Variants in MYO5B observed in about 807,000 individuals in gnomAD.
The protein encoded by MYO5B is myosin VB.
MYO5B carries 143 observed loss-of-function variants against 229.3 expected under a neutral mutation model. The observed-to-expected ratio is 0.62, with a 90% CI of 0.54 to 0.72. The LOEUF is 0.72. Among genes scored for constraint, MYO5B ranks in the 30% least tolerant of loss-of-function variants. The pLI is 0.00. For synonymous variants in MYO5B, 918 were observed against 885.2 expected, an observed-to-expected ratio of 1.04 and a Z score of -0.66; for missense variants, 2,321 against 2,331.0, an observed-to-expected ratio of 1.00 and a Z score of 0.09.
At position 50,001,439 on chromosome 18, in the gene MYO5B, A is replaced by T. The variant is rs1407055552; in HGVS notation, c.456-28T>A. The T allele has an allele frequency of 1.9e-6, 3 of 1,613,754 alleles. No homozygotes were observed. The Admixed American group carries it at 5.0e-5, about 27-fold the overall frequency. ...GGAAGGAAAAAAGCTCTGATAAGTCATTGGCCATGGAAAGGCTCTGCTACC... is the reference window on the plus strand; with the variant it reads ...GGAAGGAAAAAAGCTCTGATAAGTCTTTGGCCATGGAAAGGCTCTGCTACC... On this transcript the variant is annotated intron_variant, in intron 4 of 39. Coordinates refer to ENST00000285039, the MANE Select transcript of MYO5B (RefSeq NM_001080467.3).
intron 1 of MYO5B, among the ~76,000 whole-genome samples, chr18:50,180,046 C>T (rs2033050601): frequency 6.6e-6 from 1 of 152,154 alleles, no homozygotes; most frequent in Non-Finnish European, 1.5e-5. Flanking sequence ...GTCCTCAAAA[C>T]CAGGATCTTA....
chr18:50,175,744 C>T (rs1377759271), intron 1 of MYO5B, among the ~76,000 whole-genome samples: 2 of 152,234 alleles, frequency 1.3e-5, no homozygotes, highest in Non-Finnish European at 2.9e-5. Flanking sequence ...CTCAAAGGCA[C>T]TCCCTTATGG....
At chr18:49,985,492 G>C (rs1216135466) in intron 7 of MYO5B, among the ~76,000 whole-genome samples, 1 of 152,188 alleles carries the variant, frequency 6.6e-6, no homozygotes, top group Non-Finnish European at 1.5e-5. Flanking sequence ...AACAAGCCCT[G>C]GGTAGTATCT....
At chr18:50,035,567 T>A (rs893859244) in intron 4 of MYO5B, among the ~76,000 whole-genome samples, 2 of 152,184 alleles carry the variant, frequency 1.3e-5, no homozygotes, top group African/African-American at 4.8e-5. Context: ...CTGCATACTG[T>A]GCAACATGCT....
At chr18:49,883,455 A>G (rs1345855172) in intron 22 of MYO5B, among the ~76,000 whole-genome samples, 2 of 152,246 alleles carry the variant, frequency 1.3e-5, no homozygotes, top group Non-Finnish European at 2.9e-5. Flanking sequence ...CATACTCGGT[A>G]AATGAAAAAA....
At chr18:49,859,914 G>A (rs914734702) in intron 29 of MYO5B, among the ~76,000 whole-genome samples, 4 of 152,206 alleles carry the variant, frequency 2.6e-5, no homozygotes, top group African/African-American at 9.6e-5. Flanking sequence ...AGCAAATCTT[G>A]AGACTGCACA....
intron 1 of MYO5B, among the ~76,000 whole-genome samples, chr18:50,089,853 G>A (rs911073218): frequency 9.2e-5 from 14 of 152,144 alleles, no homozygotes; most frequent in East Asian, 7.8e-4. Flanking sequence ...GGCCACCCCC[G>A]CATAACCCCA....
intron 1 of MYO5B, among the ~76,000 whole-genome samples, chr18:50,094,344 G>T (rs968697408): frequency 3.9e-5 from 6 of 152,178 alleles, no homozygotes; most frequent in African/African-American, 1.4e-4. Flanking sequence ...ATTGAGCAGT[G>T]TAACTCTGAG....
intron 5 of MYO5B, among the ~76,000 whole-genome samples, chr18:50,000,493 G>C (rs949979569): frequency 6.6e-6 from 1 of 152,196 alleles, no homozygotes; most frequent in Non-Finnish European, 1.5e-5. Context: ...CTGTCCCAGG[G>C]ACTACGAGGC....
rs368289471 is a variant in MYO5B, at chr18:49,962,950, G to A, written c.1403C>T (p.Ser468Leu). The A allele has an allele frequency of 2.9e-5, 46 of 1,613,558 alleles. No homozygotes were observed. The highest frequency in any genetic ancestry group is 3.6e-5 in the Non-Finnish European group (42 of 1,179,612). ...CCCAGGTCTAGAAACCAAGCCTACC[G>A]AGTTGAACTGCTGCTGGAGCTTTTC... ...ANEKLQQQFNSHVFKLEQEEY... is the reference protein window; with the variant it reads ...ANEKLQQQFNLHVFKLEQEEY... The change falls in exon 11 of 40, where the codon TCG (serine) becomes TTG (leucine). Residue 468 changes from serine (S) to leucine (L), a missense_variant and splice_region_variant. By Grantham distance (145) the Ser-to-Leu change is moderately radical. Around this residue, in one of 2 missense-constraint regions of MYO5B, gnomAD observed 2,113 missense variants for 2,044.7 expected, o/e 1.03. Transcript: ENST00000285039.
At chr18:49,867,750 C>T (rs1337977603) in intron 27 of MYO5B, among the ~76,000 whole-genome samples, 1 of 130,156 alleles carries the variant, frequency 7.7e-6, no homozygotes, top group Non-Finnish European at 1.8e-5. Flanking sequence ...CAACACTATA[C>T]CACCATTCTA....
chr18:50,001,522 T>G lies in MYO5B; in HGVS notation c.456-111A>C, dbSNP rs968577466. On this transcript the variant is annotated intron_variant, in intron 4 of 39. Coordinates refer to ENST00000285039, the MANE Select transcript of MYO5B (RefSeq NM_001080467.3). ...CTCACTGGGAGCATCTCTCCTACTT[T>G]AATGGATAAACGCAGAGGAACAGTG... 3.3e-5 allele frequency: 43 copies of G among 1,292,498 alleles called. No individual in the cohort carries two copies. The South Asian group carries it at 5.0e-4, about 15-fold the overall frequency. 80.1% of individuals were successfully genotyped at this position (1,292,498 alleles called of 1,614,324 possible). A position where few individuals can be genotyped will look rare whatever the true frequency, so the allele number is the denominator to read the frequency against.
chr18:49,868,378 T>C (rs2024421052), intron 27 of MYO5B, among the ~76,000 whole-genome samples: 1 of 152,308 alleles, frequency 6.6e-6, no homozygotes, highest in African/African-American at 2.4e-5. Flanking sequence ...ACGTTCAACA[T>C]TGGATAAGCC....
In MYO5B at chr18:50,056,502, C is replaced by T. The variant is rs114005185; in HGVS notation, c.28-1124G>A. Among the ~76,000 whole-genome samples, 719 of 152,270 alleles carry T rather than the reference C, an allele frequency of 4.7e-3. 5 individuals carry two copies. Among genetic ancestry groups the T allele is most frequent in the African/African-American group, 0.016 (666 of 41,542 alleles). ...CACAGGGCCTATTTTCTGTAGAAGC[C>T]GTCAGTACACACACATACATCTGGC... is the stretch of plus-strand genomic sequence containing the variant. On this transcript the variant is annotated intron_variant, in intron 1 of 39. Coordinates refer to ENST00000285039, the MANE Select transcript of MYO5B (RefSeq NM_001080467.3).
rs762039116 is a variant in MYO5B at position 49,839,231 on chromosome 18, C to A, written c.4765G>T (p.Glu1589Ter). 6.2e-7 allele frequency: 1 copy of A among 1,614,156 alleles called. No homozygotes were observed. Among genetic ancestry groups the A allele is most frequent in the Non-Finnish European group, 8.5e-7 (1 of 1,180,024 alleles). ...AGGTCACTCAGCACCTGACGGTATT[C>A]GGTGAGGTCAAAATTCTTAAGACAG... ...EHCLKNFDLT[E>*]YRQVLSDLSI... Residue 1589 changes from glutamate to a stop codon, truncating the protein, a stop_gained, in exon 36 of 40, where the codon GAA becomes TAA. Coordinates refer to ENST00000285039, the MANE Select transcript of MYO5B (RefSeq NM_001080467.3). LOFTEE classifies it high-confidence loss of function.
chr18:50,098,034 T>C (rs2031587056), intron 1 of MYO5B, among the ~76,000 whole-genome samples: 2 of 152,192 alleles, frequency 1.3e-5, no homozygotes, highest in South Asian at 4.1e-4. Context: ...AATGACCAAC[T>C]TCTCACACCC....
chr18:50,051,894 G>A (rs2030403689), intron 2 of MYO5B, among the ~76,000 whole-genome samples: 1 of 152,162 alleles, frequency 6.6e-6, no homozygotes, highest in Non-Finnish European at 1.5e-5. Flanking sequence ...GGAAGTTGGT[G>A]TTTAATGGGG....
chr18:50,101,187 T>A (rs923053206), intron 1 of MYO5B, among the ~76,000 whole-genome samples: 2 of 152,198 alleles, frequency 1.3e-5, no homozygotes, highest in African/African-American at 4.8e-5. Context: ...ATGACGAGTA[T>A]GTGAATTAGC....
Position 49,990,425 on chromosome 18 carries a change from A to G in MYO5B, c.838+14T>C, listed in dbSNP as rs1410510330. 2 of 1,609,164 alleles carry G rather than the reference A, an allele frequency of 1.2e-6. No homozygotes were observed. The highest frequency in any genetic ancestry group is 1.3e-5 in the African/African-American group (1 of 74,812). On this transcript the variant is annotated intron_variant, in intron 7 of 39. Coordinates refer to ENST00000285039, the MANE Select transcript of MYO5B (RefSeq NM_001080467.3). ...AGCCCACCCCAGAGGATAGGCATGC[A>G]CCTGTTGACTTACTTAGTGCAAGCT...
Sources: gnomAD v4.1 joint callset for allele counts (sites outside exome capture counted in the v4.1 genomes callset) on GRCh38, gnomAD v4.1.1 for gene constraint, gnomAD v4.1.1 regional missense constraint, MANE v1.5 for transcripts, NCBI Gene and HGNC (gene_info 2026-07-23, HGNC 2026-07-21) for gene names.